TTBK1: variants seen among roughly 807,000 people sequenced by gnomAD.
TTBK1 encodes the protein tau tubulin kinase 1.
In TTBK1, 34 loss-of-function variants were observed where a neutral mutation model predicts 108.5. The ratio of observed to expected loss-of-function variants is 0.31; its 90% CI spans 0.24 to 0.42. The LOEUF is 0.42. Ranked by LOEUF, TTBK1 falls within the 10% of genes least tolerant of loss-of-function variation. The probability of loss-of-function intolerance (pLI) is 1.00; values close to 1 mark genes in which losing one functional copy is unlikely to be tolerated. For missense variants in TTBK1, 1,539 were observed against 1,826.0 expected (o/e 0.84, Z 2.86); for synonymous variants, 809 against 795.1 (o/e 1.02, Z -0.29).
rs1216262935 is a variant in TTBK1 at position 43,265,517 on chromosome 6, C to A, written c.1986+2167C>A. 6.6e-6 allele frequency among the ~76,000 whole-genome samples: 1 copy of A among 152,244 alleles called. No homozygotes were observed. Among genetic ancestry groups the A allele is most frequent in the African/African-American group, 2.4e-5 (1 of 41,460 alleles). ...GAGTTGGAGGAGCAGCCCTGGCAGA[C>A]CTGGCAGTCAAGTGGGCTGGCACCA... On this transcript the variant is annotated intron_variant, in intron 13 of 14. Coordinates refer to ENST00000259750, the MANE Select transcript of TTBK1 (RefSeq NM_032538.3). This position sits in a 1 kb window ranked among gnomAD's most constrained non-coding sequence, Gnocchi z 4.1.
chr6:43,270,381 G>A, intron 13 of TTBK1: 5 of 1,004,532 alleles, frequency 5.0e-6, no homozygotes, highest in Non-Finnish European at 5.9e-6. Context: ...TCCACCCCGA[G>A]GGGCTGGCGG....
At chr6:43,279,317 G>T (rs755887955) in intron 13 of TTBK1, among the ~76,000 whole-genome samples, 1 of 152,216 alleles carries the variant, frequency 6.6e-6, no homozygotes, top group Non-Finnish European at 1.5e-5. Flanking sequence ...AAAGGAAAGG[G>T]TGTCTCTAAC....
rs143417674 is a variant in TTBK1 at position 43,283,901 on chromosome 6, G to C, written c.3161G>C (p.Ser1054Thr). The change falls in exon 14 of 15, where the codon AGC becomes ACC. Residue 1054 changes from serine (S) to threonine (T), a missense_variant. Transcript: ENST00000259750. This position sits in a 1 kb window ranked among gnomAD's most constrained non-coding sequence, Gnocchi z 8.1. ...RHAMPGSRPR[S>T]RIPVLLSEED... ...GCTATGCCAGGCTCTCGCCCCAGGA[G>C]CCGTATCCCTGTCCTGCTCTCTGAG... 2 of 1,612,292 alleles carry C rather than the reference G, an allele frequency of 1.2e-6. No homozygotes were observed. The highest frequency in any genetic ancestry group is 2.7e-5 in the African/African-American group (2 of 74,928).
At chr6:43,251,698 G>A (rs928700918) in intron 2 of TTBK1, among the ~76,000 whole-genome samples, 4 of 152,164 alleles carry the variant, frequency 2.6e-5, no homozygotes, top group African/African-American at 9.7e-5. Context: ...TGGGAGGCTG[G>A]AGGGGGGAGA....
At position 43,269,800 on chromosome 6, in the gene TTBK1, G is replaced by T. The variant is rs1264507055; in HGVS notation, c.1986+6450G>T. 2.6e-6 allele frequency: 4 copies of T among 1,554,632 alleles called. No homozygotes were observed. In the South Asian group the frequency reaches 4.7e-5, roughly 18 times the overall value. On this transcript the variant is annotated intron_variant, in intron 13 of 14. Coordinates refer to ENST00000259750, the MANE Select transcript of TTBK1 (RefSeq NM_032538.3). The surrounding 1 kb of genome is among the most constrained non-coding windows in gnomAD (Gnocchi z 4.8). Reference sequence around the variant, plus strand: ...GGCTCCTCCGGTTCCCTCATTCAGCGCAGCCGCTCGGCTGAGAGCAGCCCT... The same window carrying T: ...GGCTCCTCCGGTTCCCTCATTCAGCTCAGCCGCTCGGCTGAGAGCAGCCCT...
At chr6:43,262,270 A>G (rs1777561317) in intron 12 of TTBK1, among the ~76,000 whole-genome samples, 1 of 152,178 alleles carries the variant, frequency 6.6e-6, no homozygotes, top group African/African-American at 2.4e-5. Context: ...TGGGACTAGC[A>G]AGGCCATCTT....
In TTBK1 at chr6:43,273,440, C is replaced by T. The variant is rs866435308; in HGVS notation, c.1987-9287C>T. On this transcript the variant is annotated intron_variant, in intron 13 of 14. Coordinates refer to ENST00000259750, the MANE Select transcript of TTBK1 (RefSeq NM_032538.3). This position sits in a 1 kb window ranked among gnomAD's most constrained non-coding sequence, Gnocchi z 4.2. ...CTCCAGAGACCTCCAACCCCTCAATCCCACATGGCCCCAAGCATCCCACAG... is the reference window on the plus strand; with the variant it reads ...CTCCAGAGACCTCCAACCCCTCAATTCCACATGGCCCCAAGCATCCCACAG... Among the ~76,000 whole-genome samples the T allele has an allele frequency of 6.6e-6, 1 of 152,176 alleles. No homozygotes were observed. Among genetic ancestry groups the T allele is most frequent in the South Asian group, 2.1e-4 (1 of 4,826 alleles).
In TTBK1 at chr6:43,269,743, A is replaced by G. The variant is rs965376547; in HGVS notation, c.1986+6393A>G. The G allele has an allele frequency of 2.2e-5, 35 of 1,607,912 alleles. No individual in the cohort carries two copies. The highest frequency in any genetic ancestry group is 3.0e-5 in the Non-Finnish European group (35 of 1,179,346). ...TCCTCCTCCACGCTGGAGACGGAGC[A>G]TTACCCTCACCCCGGCGGCGGCGGC... On this transcript the variant is annotated intron_variant, in intron 13 of 14. Transcript: ENST00000259750. The surrounding 1 kb of genome is among the most constrained non-coding windows in gnomAD (Gnocchi z 4.8).
intron 13 of TTBK1, among the ~76,000 whole-genome samples, chr6:43,277,028 G>T (rs1482977439): frequency 6.6e-6 from 1 of 152,206 alleles, no homozygotes; most frequent in Non-Finnish European, 1.5e-5. Flanking sequence ...GAAGTAGGGG[G>T]CTGGGCCCAC....
At position 43,282,904 on chromosome 6, in the gene TTBK1, C is replaced by T. The variant is rs1562099955; in HGVS notation, c.2164C>T (p.Leu722=). Residue 722 remains leucine, a synonymous_variant, in exon 14 of 15, where the codon CTG becomes TTG. Coordinates refer to ENST00000259750, the MANE Select transcript of TTBK1 (RefSeq NM_032538.3). The surrounding 1 kb of genome is among the most constrained non-coding windows in gnomAD (Gnocchi z 5.4). ...HMLLTTPQVP[L]APVQPQANGK... ...GCTGCTCACCACCCCCCAGGTCCCACTGGCTCCTGTTCAGCCTCAGGCTAA... is the reference window on the plus strand; with the variant it reads ...GCTGCTCACCACCCCCCAGGTCCCATTGGCTCCTGTTCAGCCTCAGGCTAA... 1 of 1,613,936 alleles carries T rather than the reference C, an allele frequency of 6.2e-7. No individual in the cohort carries two copies.
rs1222002926 is a variant in TTBK1, at chr6:43,263,207, C to G, written c.1843C>G (p.Pro615Ala). The G allele has an allele frequency of 6.3e-6, 10 of 1,578,742 alleles. No individual in the cohort carries two copies. Among genetic ancestry groups the G allele is most frequent in the Non-Finnish European group, 7.7e-6 (9 of 1,162,142 alleles). ...EEDLQHLPPQ[P>A]LPPQLSQGDG... ...GGACCTGCAGCATTTGCCGCCCCAGCCCCTGCCACCCCAGCTGAGCCAGGG... is the reference window on the plus strand; with the variant it reads ...GGACCTGCAGCATTTGCCGCCCCAGGCCCTGCCACCCCAGCTGAGCCAGGG... The change falls in exon 13 of 15, where the codon CCC (proline) becomes GCC (alanine). Residue 615 changes from proline to alanine, a missense_variant. Around this residue, in one of 5 missense-constraint regions of TTBK1, gnomAD observed 1,055 missense variants for 1,086.5 expected, o/e 0.97. Transcript: ENST00000259750. The surrounding 1 kb of genome is among the most constrained non-coding windows in gnomAD (Gnocchi z 4.7).
At chr6:43,247,953 G>A (rs1777143567) in intron 2 of TTBK1, 1 of 152,212 alleles carries the variant, frequency 6.6e-6, no homozygotes, top group South Asian at 2.1e-4. Context: ...CTGAGAGGGA[G>A]AGTACAGAAA....
At chr6:43,258,598 T>C (rs911748791) in intron 10 of TTBK1, among the ~76,000 whole-genome samples, 22 of 150,664 alleles carry the variant, frequency 1.5e-4, no homozygotes, top group African/African-American at 5.4e-4. Flanking sequence ...GAAGATTAAA[T>C]AAAAAAAAAA....
intron 13 of TTBK1, among the ~76,000 whole-genome samples, chr6:43,266,931 T>C (rs929765757): frequency 6.6e-6 from 1 of 151,912 alleles, no homozygotes; most frequent in African/African-American, 2.4e-5. Context: ...TCTGTGAGTT[T>C]AACAGAAAAC....
rs147700266 is a variant in TTBK1, at chr6:43,253,630, A to G, written c.393A>G (p.Thr131=). The G allele has an allele frequency of 1.0e-4, 162 of 1,613,698 alleles. 1 individual carries two copies. The African/African-American group carries it at 1.9e-3, about 19-fold the overall frequency. The change falls in exon 5 of 15, where the codon ACA becomes ACG. Residue 131 remains threonine, a synonymous_variant. Transcript: ENST00000259750. The surrounding 1 kb of genome is among the most constrained non-coding windows in gnomAD (Gnocchi z 5.8). ...QPRGTFTLST[T]LRLGKQILES... ...GAGGCACCTTCACGCTGAGCACCAC[A>G]TTGCGGCTGGGCAAGCAGATCTTGG...
At position 43,283,793 on chromosome 6, in the gene TTBK1, C is replaced by T. The variant is rs769742230; in HGVS notation, c.3053C>T (p.Pro1018Leu). ...GCCACAAACTCACTGCCCAATGGCC[C>T]GGCCCTTGCAGACGGGCCAGCCCCG... ...EMATNSLPNG[P>L]ALADGPAPVS... is the part of the protein sequence containing the mutation. Residue 1018 changes from proline (P) to leucine (L), a missense_variant, in exon 14 of 15, where the codon CCG (proline) becomes CTG (leucine). Around this residue, in one of 5 missense-constraint regions of TTBK1, gnomAD observed 1,055 missense variants for 1,086.5 expected, o/e 0.97. Coordinates refer to ENST00000259750, the MANE Select transcript of TTBK1 (RefSeq NM_032538.3). The surrounding 1 kb of genome is among the most constrained non-coding windows in gnomAD (Gnocchi z 8.1). 15 of 1,612,978 alleles carry T rather than the reference C, an allele frequency of 9.3e-6. No homozygotes were observed. The highest frequency in any genetic ancestry group is 3.3e-5 in the South Asian group (3 of 91,072).
intron 13 of TTBK1, among the ~76,000 whole-genome samples, chr6:43,264,796 G>A (rs1482672265): frequency 1.3e-5 from 2 of 152,138 alleles, no homozygotes; most frequent in Non-Finnish European, 2.9e-5. Context: ...GGATGGCCGT[G>A]GGGAGGAGTG....
At position 43,265,135 on chromosome 6, in the gene TTBK1, T is replaced by C. The variant is rs1039031614; in HGVS notation, c.1986+1785T>C. Among the ~76,000 whole-genome samples, 3 of 151,946 alleles carry C rather than the reference T, an allele frequency of 2.0e-5. No homozygotes were observed. Among genetic ancestry groups the C allele is most frequent in the African/African-American group, 7.3e-5 (3 of 41,330 alleles). On this transcript the variant is annotated intron_variant, in intron 13 of 14. Transcript: ENST00000259750. The surrounding 1 kb of genome is among the most constrained non-coding windows in gnomAD (Gnocchi z 4.1). ...CCCACAGAGGGGCTGGGGAGAGTCA[T>C]GGAGGGGATGCCGGAAGGGGCTCAG...
chr6:43,270,085 C>A lies in TTBK1; in HGVS notation c.1986+6735C>A, dbSNP rs1211794063. On this transcript the variant is annotated intron_variant, in intron 13 of 14. Coordinates refer to ENST00000259750, the MANE Select transcript of TTBK1 (RefSeq NM_032538.3). Reference sequence around the variant, plus strand: ...CCACCCCATCATGCAATACAGCCCCCCTAGAACGTTGGCCCAAGGTACTGT... The same window carrying A: ...CCACCCCATCATGCAATACAGCCCCACTAGAACGTTGGCCCAAGGTACTGT... 5.0e-6 allele frequency: 7 copies of A among 1,406,266 alleles called. 1 individual carries two copies. The East Asian group carries it at 1.9e-4, about 38-fold the overall frequency. The allele number at this position is 1,406,266 out of a possible 1,614,324, so 87.1% of individuals were successfully genotyped here.
Sources: allele counts gnomAD v4.1 joint callset (sites outside exome capture counted in the v4.1 genomes callset), GRCh38; gene constraint gnomAD v4.1.1; regional missense constraint gnomAD v4.1.1; non-coding constraint Gnocchi (gnomAD v3.1); transcripts MANE v1.5; gene names NCBI Gene and HGNC (gene_info 2026-07-23, HGNC 2026-07-21).